SLC7A5: variants seen among roughly 807,000 people sequenced by gnomAD.
SLC7A5 encodes large neutral amino acids transporter small subunit 1.
SLC7A5 carries 23 observed loss-of-function variants against 50.2 expected under a neutral mutation model. The ratio of observed to expected loss-of-function variants is 0.46; its 90% CI spans 0.33 to 0.65. The LOEUF (loss-of-function observed/expected upper bound fraction) is 0.65. Ranked by LOEUF, SLC7A5 falls within the 30% of genes least tolerant of loss-of-function variation. The probability of loss-of-function intolerance (pLI) is 0.02; values close to 1 mark genes in which losing one functional copy is unlikely to be tolerated. For missense variants in SLC7A5, 578 were observed against 684.4 expected (o/e 0.84, Z 1.73); for synonymous variants, 393 against 330.6 (o/e 1.19, Z -2.05).
rs186349179 is a variant in SLC7A5, at chr16:87,841,749, G to A, written c.665-594C>T. Among the ~76,000 whole-genome samples the A allele has an allele frequency of 4.6e-4, 70 of 152,312 alleles. No individual in the cohort carries two copies. Among genetic ancestry groups the A allele is most frequent in the African/African-American group, 1.6e-3 (66 of 41,570 alleles). On this transcript the variant is annotated intron_variant, in intron 2 of 9. Transcript: ENST00000261622. This position sits in a 1 kb window ranked among gnomAD's most constrained non-coding sequence, Gnocchi z 4.8. ...GAGCAGGGCTGCCAGGGCCGAGAAC[G>A]ATCCCCGTGCTGTGTGCAGAGCTCT...
intron 1 of SLC7A5, among the ~76,000 whole-genome samples, chr16:87,855,591 C>A (rs2055306987): frequency 6.6e-6 from 1 of 152,058 alleles, no homozygotes; most frequent in Admixed American, 6.5e-5. Flanking sequence ...GAACGCTCAC[C>A]TCTGCGGCAG....
At chr16:87,857,195 C>T (rs939932746) in intron 1 of SLC7A5, among the ~76,000 whole-genome samples, 8 of 151,988 alleles carry the variant, frequency 5.3e-5, no homozygotes, top group African/African-American at 1.7e-4. Context: ...TGAAGCAGTT[C>T]CGGGGCAGGG....
intron 7 of SLC7A5, among the ~76,000 whole-genome samples, chr16:87,837,230 C>A (rs1447791393): frequency 6.6e-6 from 1 of 152,212 alleles, no homozygotes; most frequent in Non-Finnish European, 1.5e-5. Flanking sequence ...GGGGAAGCAG[C>A]CTGTTGGGGG....
At chr16:87,854,578 G>A (rs1026734469) in intron 1 of SLC7A5, among the ~76,000 whole-genome samples, 2 of 152,248 alleles carry the variant, frequency 1.3e-5, no homozygotes, top group Non-Finnish European at 2.9e-5. Flanking sequence ...ACAGCAGGGA[G>A]ATCGACAGGG....
At chr16:87,835,162 C>G (rs2054983047) in intron 8 of SLC7A5, among the ~76,000 whole-genome samples, 1 of 152,254 alleles carries the variant, frequency 6.6e-6, no homozygotes, top group East Asian at 1.9e-4. Context: ...TGTCCTGAAT[C>G]CATACTTGGA....
At chr16:87,846,503 T>C (rs574190648) in intron 2 of SLC7A5, among the ~76,000 whole-genome samples, 2 of 152,282 alleles carry the variant, frequency 1.3e-5, no homozygotes, top group East Asian at 1.9e-4. Context: ...TACGTGGACA[T>C]GGGGCCTCTA....
chr16:87,858,127 G>C (rs1726354107), intron 1 of SLC7A5, among the ~76,000 whole-genome samples: 1 of 152,192 alleles, frequency 6.6e-6, no homozygotes, highest in South Asian at 2.1e-4. Flanking sequence ...CGCTCCCTCT[G>C]AAACTCTGAA....
At chr16:87,868,791 T>G (rs1332724393) in intron 1 of SLC7A5, 94 bp downstream of exon 1, 7 of 1,265,952 alleles carry the variant, frequency 5.5e-6, no homozygotes, top group Non-Finnish European at 7.9e-6. Flanking sequence ...AACGTAAAGA[T>G]GTAGAGATGT....
At chr16:87,838,021 T>A in intron 6 of SLC7A5, 80 bp from the exon 7 acceptor site, 2 of 1,111,968 alleles carry the variant, frequency 1.8e-6, no homozygotes, top group South Asian at 1.3e-5. Context: ...GGCTGGGGAG[T>A]GGCAGGGCCT....
In SLC7A5 at chr16:87,838,783, C is replaced by T; in HGVS notation, c.974G>A (p.Trp325Ter). The T allele has an allele frequency of 1.2e-6, 2 of 1,614,058 alleles. No homozygotes were observed. Among genetic ancestry groups the T allele is most frequent in the Non-Finnish European group, 1.7e-6 (2 of 1,180,026 alleles). Residue 325 changes from tryptophan (W) to a stop codon, truncating the protein, a stop_gained, in exon 6 of 10, where the codon TGG becomes TAG. Coordinates refer to ENST00000261622, the MANE Select transcript of SLC7A5 (RefSeq NM_003486.7). LOFTEE classifies it high-confidence loss of function. ...CAGGCCCACGAAGACGGGGATGATCCAGGACATGACGCCCAGGTGATAGTT... is the reference window on the plus strand; with the variant it reads ...CAGGCCCACGAAGACGGGGATGATCTAGGACATGACGCCCAGGTGATAGTT... ...FGNYHLGVMS[W>*]IIPVFVGLSC...
In SLC7A5 at chr16:87,833,833, C is replaced by T. The variant is rs999800358; in HGVS notation, c.1468+581G>A. On this transcript the variant is annotated intron_variant, in intron 9 of 9. Transcript: ENST00000261622. The surrounding 1 kb of genome is among the most constrained non-coding windows in gnomAD (Gnocchi z 6.0). ...CTGGGGCTGCCGCTGCACACAGGGC[C>T]GGGGGGCGGGTTTCTCCTTCTGCCT... Among the ~76,000 whole-genome samples the T allele has an allele frequency of 8.2e-5, 12 of 146,984 alleles. No individual in the cohort carries two copies. The highest frequency in any genetic ancestry group is 2.7e-4 in the Admixed American group (4 of 14,736).
intron 1 of SLC7A5, among the ~76,000 whole-genome samples, chr16:87,857,100 C>A (rs1391748429): frequency 1.3e-5 from 2 of 152,276 alleles, no homozygotes; most frequent in Non-Finnish European, 2.9e-5. Context: ...GCCAAGCCTG[C>A]CCATGCCGGC....
chr16:87,849,709 C>A (rs913740395), intron 2 of SLC7A5, among the ~76,000 whole-genome samples: 1 of 152,166 alleles, frequency 6.6e-6, no homozygotes, highest in Non-Finnish European at 1.5e-5. Flanking sequence ...ATGAGCTCGT[C>A]TTGCCTTGAG....
rs781567627 is a variant in SLC7A5, at chr16:87,869,289, G to T, written c.134C>A (p.Thr45Asn). The T allele has an allele frequency of 5.0e-6, 8 of 1,611,934 alleles. No individual in the cohort carries two copies. The highest frequency in any genetic ancestry group is 3.3e-5 in the South Asian group (3 of 91,036). Reference sequence around the variant, plus strand: ...GAGCAGCGTGATGTTCCGCTGCAGGGTCACGCCCTCGCCCTCGCCTGCCGG... The same window carrying T: ...GAGCAGCGTGATGTTCCGCTGCAGGTTCACGCCCTCGCCCTCGCCTGCCGG... Reference protein sequence around the residue: ...SAPAGEGEGVTLQRNITLLNG... With the variant: ...SAPAGEGEGVNLQRNITLLNG... Residue 45 changes from threonine (T) to asparagine (N), a missense_variant, in exon 1 of 10, where the codon ACC becomes AAC. Transcript: ENST00000261622.
At position 87,853,805 on chromosome 16, in the gene SLC7A5, G is replaced by C. The variant is rs572312614; in HGVS notation, c.539-1956C>G. The C allele has an allele frequency of 6.6e-6, 1 of 152,152 alleles. No individual in the cohort carries two copies. Among genetic ancestry groups the C allele is most frequent in the African/African-American group, 2.4e-5 (1 of 41,428 alleles). The allele number at this position is 152,152 out of a possible 1,614,324, so 9.4% of individuals were successfully genotyped here. A position where few individuals can be genotyped will look rare whatever the true frequency, so the allele number is the denominator to read the frequency against. ...GAGTGGGTGTGGCCAAGCCGCACTC[G>C]AGGCTGCCTCTCCCCAAAAGGGAGA... is the stretch of plus-strand genomic sequence containing the variant. On this transcript the variant is annotated intron_variant, in intron 1 of 9. Coordinates refer to ENST00000261622, the MANE Select transcript of SLC7A5 (RefSeq NM_003486.7). This position sits in a 1 kb window ranked among gnomAD's most constrained non-coding sequence, Gnocchi z 4.4.
intron 8 of SLC7A5, among the ~76,000 whole-genome samples, chr16:87,834,841 TC>T (rs1263945482): frequency 6.6e-6 from 1 of 152,168 alleles, no homozygotes; most frequent in East Asian, 1.9e-4. Flanking sequence ...CAGCTTCGTC[TC>T]CCGAGGCCTC....
At chr16:87,858,175 G>A (rs1021994020) in intron 1 of SLC7A5, among the ~76,000 whole-genome samples, 24 of 152,158 alleles carry the variant, frequency 1.6e-4, no homozygotes, top group Admixed American at 7.2e-4. Flanking sequence ...TGTGAACTCC[G>A]GCAAGTTCCT....
At chr16:87,867,311 G>T (rs1442398690) in intron 1 of SLC7A5, among the ~76,000 whole-genome samples, 2 of 152,334 alleles carry the variant, frequency 1.3e-5, no homozygotes, top group Admixed American at 6.5e-5. Context: ...ACCTAGGCGG[G>T]AGGGAGACTG....
intron 1 of SLC7A5, among the ~76,000 whole-genome samples, chr16:87,863,350 A>ACTC (rs2055422302): frequency 6.6e-6 from 1 of 152,032 alleles, no homozygotes; most frequent in African/African-American, 2.4e-5. Flanking sequence ...ATGCTACCCT[A>ACTC]CTCGCTATGC....
Sources: allele counts gnomAD v4.1 joint callset (sites outside exome capture counted in the v4.1 genomes callset), GRCh38; gene constraint gnomAD v4.1.1; non-coding constraint Gnocchi (gnomAD v3.1); transcripts MANE v1.5; gene names NCBI Gene and HGNC (gene_info 2026-07-23, HGNC 2026-07-21).